The following DPY19L2 variants were observed in gnomAD, a reference collection of about 807,000 sequenced individuals.
DPY19L2 encodes probable C-mannosyltransferase DPY19L2.
A neutral mutation model predicts 97.9 loss-of-function variants in DPY19L2; 34 were observed. The ratio of observed to expected loss-of-function variants is 0.35; its 90% confidence interval spans 0.26 to 0.46. The LOEUF (loss-of-function observed/expected upper bound fraction) is 0.46. DPY19L2 is among the 20% of genes least tolerant of loss of function. The probability of loss-of-function intolerance (pLI) is 1.00; values close to 1 mark genes in which losing one functional copy is unlikely to be tolerated. For synonymous variants in DPY19L2, 230 were observed against 307.9 expected, an observed-to-expected ratio of 0.75 and a Z score of 2.65; for missense variants, 623 against 911.4, an observed-to-expected ratio of 0.68 and a Z score of 4.07.
chr12:63,628,622 T>C (rs1336811732), intron 6 of DPY19L2, among the ~76,000 whole-genome samples: 1 of 152,052 alleles, frequency 6.6e-6, no homozygotes, highest in African/African-American at 2.4e-5. Context: ...CCTGCCTCTG[T>C]AGACTCCACC....
chr12:63,631,103 CA>C, intron 6 of DPY19L2, among the ~76,000 whole-genome samples: 1 of 152,090 alleles, frequency 6.6e-6, no homozygotes, highest in South Asian at 2.1e-4. Flanking sequence ...TAAATGCCCA[CA>C]AGAGAAAGCA....
At chr12:63,630,839 T>G (rs1161351957) in intron 6 of DPY19L2, among the ~76,000 whole-genome samples, 3 of 152,038 alleles carry the variant, frequency 2.0e-5, no homozygotes, top group Admixed American at 1.3e-4. Context: ...TCAGCAAATG[T>G]AAAAGAACAG....
At chr12:63,600,787 G>GT (rs71086688) in intron 12 of DPY19L2, among the ~76,000 whole-genome samples, 2,076 of 133,032 alleles carry the variant, frequency 0.016, 28 homozygotes, top group Middle Eastern at 0.062. Context: ...TCTAAAGGAA[G>GT]TTTTTTTTTT....
intron 6 of DPY19L2, among the ~76,000 whole-genome samples, chr12:63,635,569 A>C (rs1371048481): frequency 2.0e-5 from 3 of 152,186 alleles, no homozygotes; most frequent in Non-Finnish European, 4.4e-5. Flanking sequence ...TAAGTAGAAT[A>C]AACAGTGTAG....
chr12:63,667,259 C>T (rs1342933223), intron 1 of DPY19L2, among the ~76,000 whole-genome samples: 1 of 152,078 alleles, frequency 6.6e-6, no homozygotes, highest in Non-Finnish European at 1.5e-5. Context: ...ATTTCTAATT[C>T]TCCCAACAAT....
At chr12:63,639,815 T>C (rs1262021522) in intron 6 of DPY19L2, among the ~76,000 whole-genome samples, 1 of 152,116 alleles carries the variant, frequency 6.6e-6, no homozygotes, top group Non-Finnish European at 1.5e-5. Context: ...GATCTAGAAC[T>C]AGAAATACCA....
chr12:63,603,412 GT>G (rs1261217562), intron 12 of DPY19L2, among the ~76,000 whole-genome samples: 1 of 152,214 alleles, frequency 6.6e-6, no homozygotes, highest in East Asian at 1.9e-4. Flanking sequence ...GGATATGCAT[GT>G]TTGTTACATA....
intron 12 of DPY19L2, among the ~76,000 whole-genome samples, chr12:63,602,625 T>C: frequency 6.6e-6 from 1 of 151,978 alleles, no homozygotes; most frequent in Non-Finnish European, 1.5e-5. Flanking sequence ...CTATGAAAAA[T>C]GAAGAAAAAT....
chr12:63,567,710 C>T (rs1299562765), intron 21 of DPY19L2, among the ~76,000 whole-genome samples: 1 of 152,046 alleles, frequency 6.6e-6, no homozygotes, highest in Non-Finnish European at 1.5e-5. Flanking sequence ...CTGTTACCAA[C>T]AAATTATCTT....
At chr12:63,648,038 C>T (rs1893663660) in intron 4 of DPY19L2, among the ~76,000 whole-genome samples, 1 of 152,058 alleles carries the variant, frequency 6.6e-6, no homozygotes, top group Non-Finnish European at 1.5e-5. Context: ...GGTGATTAGA[C>T]CATGAAGACT....
intron 6 of DPY19L2, among the ~76,000 whole-genome samples, chr12:63,634,452 T>C (rs7972052): frequency 0.081 from 12,288 of 152,120 alleles, 783 homozygotes; most frequent in African/African-American, 0.17. Flanking sequence ...GCTTGTCCAA[T>C]AGTGGGTGCA....
chr12:63,614,362 G>A (rs1887517011), intron 11 of DPY19L2, among the ~76,000 whole-genome samples: 2 of 152,112 alleles, frequency 1.3e-5, no homozygotes, highest in African/African-American at 4.8e-5. Flanking sequence ...AGATAACTGG[G>A]AGATAACGAC....
chr12:63,667,639 T>C (rs1896484429), intron 1 of DPY19L2, among the ~76,000 whole-genome samples: 1 of 152,132 alleles, frequency 6.6e-6, no homozygotes, highest in Non-Finnish European at 1.5e-5. Flanking sequence ...AATCCTCACT[T>C]TTCTACTCCC....
intron 19 of DPY19L2, among the ~76,000 whole-genome samples, chr12:63,571,406 C>T (rs1878818209): frequency 6.6e-6 from 1 of 152,178 alleles, no homozygotes; most frequent in Admixed American, 6.5e-5. Flanking sequence ...CTGCTTCACT[C>T]AAGCTTCCTG....
intron 6 of DPY19L2, among the ~76,000 whole-genome samples, chr12:63,640,266 G>T (rs1027572386): frequency 2.0e-5 from 3 of 152,038 alleles, no homozygotes; most frequent in African/African-American, 4.8e-5. Flanking sequence ...CGAGTTATTG[G>T]GTGCAGCACA....
intron 11 of DPY19L2, among the ~76,000 whole-genome samples, chr12:63,609,720 C>G (rs1199301956): frequency 6.6e-6 from 1 of 152,112 alleles, no homozygotes; most frequent in Non-Finnish European, 1.5e-5. Flanking sequence ...ACTAAGAATA[C>G]TTCACCTACC....
At chr12:63,657,954 G>A (rs190715383) in intron 4 of DPY19L2, among the ~76,000 whole-genome samples, 35 of 152,116 alleles carry the variant, frequency 2.3e-4, no homozygotes, top group African/African-American at 7.5e-4. Context: ...CTTTCTGCAG[G>A]CACCTGTCCT....
At chr12:63,631,400 G>T (rs1188562814) in intron 6 of DPY19L2, among the ~76,000 whole-genome samples, 1 of 152,086 alleles carries the variant, frequency 6.6e-6, no homozygotes, top group Non-Finnish European at 1.5e-5. Flanking sequence ...CGATCACTCA[G>T]AAATACAAAC....
intron 11 of DPY19L2, among the ~76,000 whole-genome samples, chr12:63,609,163 A>G (rs1278243615): frequency 6.6e-6 from 1 of 152,162 alleles, no homozygotes; most frequent in Non-Finnish European, 1.5e-5. Context: ...AATATTAATC[A>G]GCAGAGAAGC....
Sources: allele counts gnomAD v4.1 joint callset (sites outside exome capture counted in the v4.1 genomes callset), GRCh38; gene constraint gnomAD v4.1.1; transcripts MANE v1.5; gene names NCBI Gene and HGNC (gene_info 2026-07-23, HGNC 2026-07-21).